The following NCAM1 variants were observed in gnomAD, a reference collection of about 807,000 sequenced individuals.
NCAM1 encodes antigen recognized by monoclonal antibody 5.1H11.
NCAM1 carries 14 observed loss-of-function variants against 109.8 expected under a neutral mutation model. The ratio of observed to expected loss-of-function variants is 0.13; its 90% CI spans 0.08 to 0.20. The LOEUF is 0.20. Among genes scored for constraint, NCAM1 ranks in the 10% least tolerant of loss-of-function variants. The pLI is 1.00. For synonymous variants in NCAM1, 418 were observed against 442.9 expected (o/e 0.94, Z 0.70); for missense variants, 774 against 1,109.9 (o/e 0.70, Z 4.30).
At position 113,274,033 on chromosome 11, in the gene NCAM1, G is replaced by A. The variant is rs149238435; in HGVS notation, c.2457-1234G>A. On this transcript the variant is annotated intron_variant, in intron 19 of 19. Coordinates refer to ENST00000316851, the MANE Select transcript of NCAM1 (RefSeq NM_181351.5). This position sits in a 1 kb window ranked among gnomAD's most constrained non-coding sequence, Gnocchi z 4.1. ...GGGGAGCCCTTGCAGTCAGGCCACT[G>A]ATGAGAATAGCTTGGGAAGCAGGCT... 13 of 155,074 alleles carry A rather than the reference G, an allele frequency of 8.4e-5. No homozygotes were observed. Among genetic ancestry groups the A allele is most frequent in the Non-Finnish European group, 1.7e-4 (12 of 69,916 alleles). 9.6% of individuals were successfully genotyped at this position (155,074 alleles called of 1,614,324 possible). A position where few individuals can be genotyped will look rare whatever the true frequency, so the allele number is the denominator to read the frequency against.
chr11:113,220,584 TTCTC>T (rs1300315366), intron 8 of NCAM1, among the ~76,000 whole-genome samples: 42 of 140,210 alleles, frequency 3.0e-4, no homozygotes, highest in South Asian at 6.9e-4. Context: ...AGGAGACCTA[TTCTC>T]TCTCTCTCTC....
chr11:113,212,458 G>T (rs1402197703), intron 7 of NCAM1, among the ~76,000 whole-genome samples: 2 of 152,148 alleles, frequency 1.3e-5, no homozygotes, highest in African/African-American at 4.8e-5. Flanking sequence ...ACTGACCCTT[G>T]CCTGTCTTCT....
At chr11:113,133,610 C>G (rs2062335888) in intron 1 of NCAM1, 1 of 152,002 alleles carries the variant, frequency 6.6e-6, no homozygotes, top group African/African-American at 2.4e-5. Context: ...TGATGGATTT[C>G]ACATCTCCTG....
intron 1 of NCAM1, among the ~76,000 whole-genome samples, chr11:113,073,579 A>G (rs1415366003): frequency 6.6e-6 from 1 of 152,168 alleles, no homozygotes; most frequent in Non-Finnish European, 1.5e-5. Flanking sequence ...TTTTTTACTT[A>G]TAAGGTTATT....
chr11:113,168,693 G>C (rs1010605973), intron 1 of NCAM1, among the ~76,000 whole-genome samples: 3 of 152,168 alleles, frequency 2.0e-5, no homozygotes, highest in Non-Finnish European at 2.9e-5. Context: ...AAGAAATTCT[G>C]TTTCTTACCA....
In NCAM1 at chr11:113,132,165, C is replaced by T. The variant is rs544630536; in HGVS notation, c.53-70214C>T. Among the ~76,000 whole-genome samples the T allele has an allele frequency of 1.1e-4, 16 of 152,254 alleles. 1 individual carries two copies. In the East Asian group the frequency reaches 2.9e-3, roughly 28 times the overall value. On this transcript the variant is annotated intron_variant, in intron 1 of 19. Coordinates refer to ENST00000316851, the MANE Select transcript of NCAM1 (RefSeq NM_181351.5). ...AACACCATGCTGGGCTTCGGTAAGG[C>T]CCTTCATCGCCCCTTGCTCTTGGCC...
At chr11:113,182,580 ATC>A (rs1471311450) in intron 1 of NCAM1, among the ~76,000 whole-genome samples, 1 of 152,164 alleles carries the variant, frequency 6.6e-6, no homozygotes, top group Non-Finnish European at 1.5e-5. Context: ...CAGTGCTGCC[ATC>A]TCTGTTTCAC....
At chr11:113,168,137 T>C (rs900035534) in intron 1 of NCAM1, among the ~76,000 whole-genome samples, 4 of 152,220 alleles carry the variant, frequency 2.6e-5, no homozygotes, top group Admixed American at 2.6e-4. Context: ...ATAATCGAGT[T>C]AATTCAAATC....
intron 1 of NCAM1, among the ~76,000 whole-genome samples, chr11:113,193,019 C>G (rs1943731895): frequency 6.6e-6 from 1 of 152,204 alleles, no homozygotes; most frequent in African/African-American, 2.4e-5. Context: ...TTCCTGCCTT[C>G]ACCTGTTGTG....
At chr11:113,047,457 G>A (rs1953309569) in intron 1 of NCAM1, among the ~76,000 whole-genome samples, 1 of 152,138 alleles carries the variant, frequency 6.6e-6, no homozygotes. Context: ...CTACTTCCCA[G>A]GCCATACCGG....
At chr11:113,059,690 C>T (rs1953849609) in intron 1 of NCAM1, among the ~76,000 whole-genome samples, 1 of 152,146 alleles carries the variant, frequency 6.6e-6, no homozygotes, top group Non-Finnish European at 1.5e-5. Flanking sequence ...TCACTTCAGC[C>T]ATATTCCATC....
At chr11:113,169,342 G>A (rs1942914613) in intron 1 of NCAM1, among the ~76,000 whole-genome samples, 1 of 152,142 alleles carries the variant, frequency 6.6e-6, no homozygotes. Context: ...CTGCAGATTG[G>A]CTCCACATTA....
At chr11:113,010,380 A>T (rs1952016039) in intron 1 of NCAM1, among the ~76,000 whole-genome samples, 1 of 152,240 alleles carries the variant, frequency 6.6e-6, no homozygotes, top group Non-Finnish European at 1.5e-5. Context: ...TTTTAATAAT[A>T]TGAATGTGAA....
chr11:113,022,384 C>A (rs1455423474), intron 1 of NCAM1, among the ~76,000 whole-genome samples: 2 of 152,140 alleles, frequency 1.3e-5, no homozygotes, highest in Non-Finnish European at 2.9e-5. Flanking sequence ...AGGGTAAATT[C>A]TTCTGAAATT....
chr11:113,063,000 A>G (rs1012529379), intron 1 of NCAM1, among the ~76,000 whole-genome samples: 1 of 152,142 alleles, frequency 6.6e-6, no homozygotes, highest in African/African-American at 2.4e-5. Context: ...TCTGTGAAGA[A>G]TGGGAGGAAG....
At chr11:113,193,362 C>G (rs1221155143) in intron 1 of NCAM1, among the ~76,000 whole-genome samples, 4 of 152,168 alleles carry the variant, frequency 2.6e-5, no homozygotes, top group African/African-American at 9.7e-5. Flanking sequence ...CAGCGGGCTC[C>G]AGGCACAGTG....
At chr11:113,162,456 T>G (rs1942633011) in intron 1 of NCAM1, among the ~76,000 whole-genome samples, 1 of 152,150 alleles carries the variant, frequency 6.6e-6, no homozygotes, top group African/African-American at 2.4e-5. Flanking sequence ...TGCTGTTATC[T>G]TAGAGATTGT....
chr11:113,041,730 G>A (rs1231353506), intron 1 of NCAM1, among the ~76,000 whole-genome samples: 1 of 152,032 alleles, frequency 6.6e-6, no homozygotes, highest in Non-Finnish European at 1.5e-5. Flanking sequence ...AACAACAACA[G>A]CAACATCACC....
intron 1 of NCAM1, among the ~76,000 whole-genome samples, chr11:113,193,662 A>G (rs1027278757): frequency 1.3e-5 from 2 of 151,412 alleles, no homozygotes; most frequent in Non-Finnish European, 2.9e-5. Context: ...GAAGAAAAAG[A>G]AAAAAAGAAA....
Sources: gnomAD v4.1 joint callset for allele counts (sites outside exome capture counted in the v4.1 genomes callset) on GRCh38, gnomAD v4.1.1 for gene constraint, Gnocchi (gnomAD v3.1) non-coding constraint, MANE v1.5 for transcripts, NCBI Gene and HGNC (gene_info 2026-07-23, HGNC 2026-07-21) for gene names.